TUSC3: variants seen among roughly 807,000 people sequenced by gnomAD.
The protein encoded by TUSC3 is tumor suppressor candidate 3, also known as dolichyl-diphosphooligosaccharide--protein glycosyltransferase subunit TUSC3.
Under a neutral mutation model 44.8 loss-of-function variants are expected in TUSC3, and 45 were observed. The observed-to-expected ratio is 1.00, with a 90% CI of 0.79 to 1.29. The LOEUF (loss-of-function observed/expected upper bound fraction) is 1.29, where lower values mean the gene tolerates loss of function less well. Among genes scored for constraint, TUSC3 ranks in the 50% most tolerant of loss-of-function variants. TUSC3 has a pLI of 0.00. For synonymous variants in TUSC3, 212 were observed against 152.9 expected, an observed-to-expected ratio of 1.39 and a Z score of -2.85; for missense variants, 519 against 437.9, an observed-to-expected ratio of 1.19 and a Z score of -1.65.
chr8:15,715,081 C>T (rs1313045559), intron 6 of TUSC3, among the ~76,000 whole-genome samples: 1 of 152,040 alleles, frequency 6.6e-6, no homozygotes, highest in Non-Finnish European at 1.5e-5. Flanking sequence ...ATCTGTACAC[C>T]TCAAGGTTTC....
chr8:15,820,477 G>A, the TUSC3 span, among the ~76,000 whole-genome samples: 6 of 151,870 alleles, frequency 4.0e-5, no homozygotes, highest in African/African-American at 7.3e-5. Context: ...ACACCACCAC[G>A]CCCAGCTAAT....
chr8:15,724,236 G>A (rs1179749916), intron 6 of TUSC3, among the ~76,000 whole-genome samples: 2 of 152,106 alleles, frequency 1.3e-5, no homozygotes, highest in East Asian at 3.9e-4. Context: ...CTTGGACTTT[G>A]AACCTCTTGA....
chr8:15,627,982 G>A (rs1451277901), intron 2 of TUSC3, among the ~76,000 whole-genome samples: 3 of 152,132 alleles, frequency 2.0e-5, no homozygotes, highest in South Asian at 2.1e-4. Context: ...TCCATCTGGC[G>A]AAGCGACACC....
the TUSC3 span, among the ~76,000 whole-genome samples, chr8:15,805,039 T>C: frequency 6.6e-6 from 1 of 152,162 alleles, no homozygotes. Flanking sequence ...GCAGAAATCT[T>C]TCACTTCCTC....
At chr8:15,457,647 T>C (rs1800274845) in intron 1 of TUSC3, among the ~76,000 whole-genome samples, 1 of 150,166 alleles carries the variant, frequency 6.7e-6, no homozygotes, top group African/African-American at 2.4e-5. Context: ...TTCAAAAGCC[T>C]ATCCATAGGA....
intron 1 of TUSC3, among the ~76,000 whole-genome samples, chr8:15,558,844 G>T (rs1480922668): frequency 1.3e-5 from 2 of 149,952 alleles, no homozygotes; most frequent in Non-Finnish European, 3.0e-5. Flanking sequence ...TGTGGGATCG[G>T]TGGTGATATC....
At chr8:15,621,998 A>G (rs923127758) in intron 1 of TUSC3, among the ~76,000 whole-genome samples, 1 of 152,034 alleles carries the variant, frequency 6.6e-6, no homozygotes, top group Non-Finnish European at 1.5e-5. Context: ...TCAGGATAAG[A>G]TGTCTGCCTT....
chr8:15,744,102 T>A (rs1811306876), intron 8 of TUSC3, among the ~76,000 whole-genome samples: 1 of 152,200 alleles, frequency 6.6e-6, no homozygotes, highest in Non-Finnish European at 1.5e-5. Flanking sequence ...TAACATTTTT[T>A]AAAAGGCATC....
chr8:15,502,075 T>A (rs1167576102), intron 2 of TUSC3, among the ~76,000 whole-genome samples: 1 of 152,222 alleles, frequency 6.6e-6, no homozygotes, highest in Non-Finnish European at 1.5e-5. Flanking sequence ...GTTATCACCA[T>A]CTATCTATTC....
chr8:15,488,863 A>G (rs117586688), intron 2 of TUSC3, among the ~76,000 whole-genome samples: 1 of 152,308 alleles, frequency 6.6e-6, no homozygotes, highest in East Asian at 1.9e-4. Context: ...CACTCAGTCT[A>G]TAGTATTTGT....
At chr8:15,784,731 G>C in the TUSC3 span, among the ~76,000 whole-genome samples, 1 of 152,106 alleles carries the variant, frequency 6.6e-6, no homozygotes, top group East Asian at 1.9e-4. Context: ...TCGAAGCAGA[G>C]AATGGAATGA....
At chr8:15,430,008 C>G (rs1205232168) in intron 1 of TUSC3, among the ~76,000 whole-genome samples, 2 of 151,496 alleles carry the variant, frequency 1.3e-5, no homozygotes, top group African/African-American at 4.9e-5. Flanking sequence ...CAAAAAAAAT[C>G]CAGGACCAGA....
intron 2 of TUSC3, among the ~76,000 whole-genome samples, chr8:15,485,482 T>TTG (rs1396048241): frequency 1.6e-4 from 24 of 151,792 alleles, no homozygotes; most frequent in Non-Finnish European, 2.9e-5. Context: ...TTTTGTTTTT[T>TTG]GTGACACAGA....
intron 2 of TUSC3, among the ~76,000 whole-genome samples, chr8:15,534,012 C>A (rs1443354868): frequency 6.6e-6 from 1 of 152,048 alleles, no homozygotes; most frequent in Non-Finnish European, 1.5e-5. Flanking sequence ...GGTTTTTGAT[C>A]AAGGGAAACT....
At chr8:15,508,916 T>C (rs1801096723) in intron 2 of TUSC3, among the ~76,000 whole-genome samples, 1 of 152,202 alleles carries the variant, frequency 6.6e-6, no homozygotes, top group South Asian at 2.1e-4. Context: ...TATTACTGTC[T>C]CCAGTTTACC....
the TUSC3 span, among the ~76,000 whole-genome samples, chr8:15,846,795 C>T: frequency 6.6e-6 from 1 of 151,586 alleles, no homozygotes; most frequent in Non-Finnish European, 1.5e-5. Flanking sequence ...GTGCAGCAAA[C>T]CACCATGGCA....
chr8:15,667,640 T>C (rs1341990788), intron 5 of TUSC3, among the ~76,000 whole-genome samples: 1 of 151,784 alleles, frequency 6.6e-6, no homozygotes, highest in African/African-American at 2.4e-5. Flanking sequence ...ATTCAGCTGA[T>C]TAAGATACCT....
At position 15,555,569 on chromosome 8, in the gene TUSC3, A is replaced by G. The variant is rs1287340362; in HGVS notation, c.138+15001A>G. On this transcript the variant is annotated intron_variant, in intron 1 of 10. Transcript: ENST00000503731. ...CTTGGCCTCCCAGAGTGCTGGGATT[A>G]CAGTATTACAGTCTTAAAATGAGAA... Among the ~76,000 whole-genome samples, 4 of 151,488 alleles carry G rather than the reference A, an allele frequency of 2.6e-5. 1 individual carries two copies. The highest frequency in any genetic ancestry group is 2.6e-4 in the Admixed American group (4 of 15,166).
intron 2 of TUSC3, among the ~76,000 whole-genome samples, chr8:15,650,317 T>C (rs1381358587): frequency 6.6e-6 from 1 of 152,226 alleles, no homozygotes; most frequent in African/African-American, 2.4e-5. Context: ...AATTTATGTG[T>C]ATAGGGAATG....
Sources: gnomAD v4.1 joint callset for allele counts (sites outside exome capture counted in the v4.1 genomes callset) on GRCh38, gnomAD v4.1.1 for gene constraint, MANE v1.5 for transcripts, NCBI Gene and HGNC (gene_info 2026-07-23, HGNC 2026-07-21) for gene names.